Variants in PRKCE observed in about 807,000 individuals in gnomAD.
PRKCE encodes the protein protein kinase C epsilon type.
In PRKCE, 16 loss-of-function variants were observed where a neutral mutation model predicts 85.4. The observed-to-expected ratio is 0.19, with a 90% confidence interval of 0.13 to 0.28. The LOEUF (loss-of-function observed/expected upper bound fraction) is 0.28, where lower values mean the gene tolerates loss of function less well. PRKCE is among the 10% of genes least tolerant of loss of function. PRKCE has a pLI of 1.00. For missense variants in PRKCE, 573 were observed against 975.2 expected, an observed-to-expected ratio of 0.59 and a Z score of 5.49; for synonymous variants, 388 against 371.5, an observed-to-expected ratio of 1.04 and a Z score of -0.51.
chr2:45,834,306 G>A (rs1690671728), intron 1 of PRKCE, among the ~76,000 whole-genome samples: 1 of 152,238 alleles, frequency 6.6e-6, no homozygotes, highest in Admixed American at 6.5e-5. Flanking sequence ...GGTGTGTCTG[G>A]CAACTGAAGC....
chr2:46,010,514 C>A lies in PRKCE; in HGVS notation c.1434C>A (p.Thr478=), dbSNP rs369950079. Residue 478 remains threonine, a synonymous_variant, in exon 10 of 15, where the codon ACC becomes ACA. Coordinates refer to ENST00000306156, the MANE Select transcript of PRKCE (RefSeq NM_005400.3). ...YLTQLYCCFQ[T]KDRLFFVMEY... is the part of the protein sequence containing the mutation. ...CCCAACTCTACTGCTGCTTCCAGAC[C>A]AAGGTATGTTAGGAAGAAGCTGGCT... The A allele has an allele frequency of 2.8e-4, 452 of 1,599,412 alleles. 1 individual carries two copies. The African/African-American group carries it at 5.6e-3, about 20-fold the overall frequency.
chr2:46,086,436 A>C, intron 11 of PRKCE, 74 bp downstream of exon 11: 1 of 1,514,778 alleles, frequency 6.6e-7, no homozygotes, highest in Non-Finnish European at 8.9e-7. Context: ...AACTGACTTC[A>C]GCTCCTGCCC....
At chr2:46,027,887 T>C (rs1707232803) in intron 10 of PRKCE, among the ~76,000 whole-genome samples, 1 of 151,980 alleles carries the variant, frequency 6.6e-6, no homozygotes, top group Non-Finnish European at 1.5e-5. Context: ...ACAGAACTGC[T>C]GGCCCACCTT....
At chr2:45,933,575 G>A (rs1455185036) in intron 2 of PRKCE, among the ~76,000 whole-genome samples, 2 of 140,704 alleles carry the variant, frequency 1.4e-5, no homozygotes, top group Non-Finnish European at 3.0e-5. Context: ...CCGGGTTCAC[G>A]CCATTCTCCT....
intron 13 of PRKCE, among the ~76,000 whole-genome samples, chr2:46,153,979 G>C (rs1470592423): frequency 6.6e-6 from 1 of 151,914 alleles, no homozygotes; most frequent in Non-Finnish European, 1.5e-5. Context: ...TAGAGGCAGG[G>C]TTTCACCGTG....
intron 10 of PRKCE, among the ~76,000 whole-genome samples, chr2:46,024,555 G>A (rs747218550): frequency 2.0e-5 from 3 of 152,070 alleles, no homozygotes; most frequent in African/African-American, 4.8e-5. Flanking sequence ...ACTTGTGTGC[G>A]GGTTGCTAGG....
chr2:45,925,515 C>T (rs1279288397), intron 2 of PRKCE, among the ~76,000 whole-genome samples: 1 of 152,074 alleles, frequency 6.6e-6, no homozygotes, highest in Non-Finnish European at 1.5e-5. Context: ...AGGGTGGTCT[C>T]GAACTCCTGA....
At chr2:45,875,142 C>T (rs1377853793) in intron 2 of PRKCE, among the ~76,000 whole-genome samples, 1 of 151,992 alleles carries the variant, frequency 6.6e-6, no homozygotes, top group African/African-American at 2.4e-5. Context: ...CATGAGTGAC[C>T]CCTTTTAGGC....
intron 1 of PRKCE, among the ~76,000 whole-genome samples, chr2:45,655,901 G>A (rs1031968602): frequency 6.7e-5 from 10 of 149,630 alleles, no homozygotes; most frequent in South Asian, 6.3e-4. Context: ...ATCCAGGAGG[G>A]TTTTTGGAAG....
intron 1 of PRKCE, among the ~76,000 whole-genome samples, chr2:45,726,561 A>G (rs971658209): frequency 1.3e-5 from 2 of 152,240 alleles, no homozygotes; most frequent in African/African-American, 4.8e-5. Context: ...ACATAATTAC[A>G]TCGTACACAC....
At chr2:45,809,009 C>A (rs1487067018) in intron 1 of PRKCE, among the ~76,000 whole-genome samples, 2 of 152,108 alleles carry the variant, frequency 1.3e-5, no homozygotes, top group Admixed American at 6.5e-5. Context: ...CCTGAGAGTC[C>A]TCGTCTACCC....
intron 10 of PRKCE, among the ~76,000 whole-genome samples, chr2:46,052,234 G>GTAGAAAATAC (rs1343776439): frequency 6.6e-6 from 1 of 152,184 alleles, no homozygotes; most frequent in African/African-American, 2.4e-5. Flanking sequence ...CATCTGATAT[G>GTAGAAAATAC]TAGAAAATAC....
At chr2:46,137,239 T>A (rs913476844) in intron 11 of PRKCE, among the ~76,000 whole-genome samples, 13 of 152,200 alleles carry the variant, frequency 8.5e-5, no homozygotes, top group African/African-American at 2.7e-4. Flanking sequence ...AGAGTTGGGA[T>A]ATAGATTCAG....
intron 14 of PRKCE, among the ~76,000 whole-genome samples, chr2:46,170,177 C>A (rs957176700): frequency 6.6e-6 from 1 of 152,186 alleles, no homozygotes; most frequent in Non-Finnish European, 1.5e-5. Context: ...ATATAGAACA[C>A]CTCCATCCTC....
chr2:46,161,814 G>A (rs780213611), intron 14 of PRKCE, among the ~76,000 whole-genome samples: 3 of 152,116 alleles, frequency 2.0e-5, no homozygotes, highest in Non-Finnish European at 4.4e-5. Flanking sequence ...CACTGCCAAA[G>A]CCCTTCCCTT....
chr2:45,723,412 A>G (rs144098911), intron 1 of PRKCE, among the ~76,000 whole-genome samples: 1 of 152,250 alleles, frequency 6.6e-6, no homozygotes, highest in East Asian at 1.9e-4. Context: ...TTAATTTTCA[A>G]CACAGATGTG....
intron 14 of PRKCE, among the ~76,000 whole-genome samples, chr2:46,182,519 A>G (rs72791503): frequency 1.7e-4 from 26 of 152,040 alleles, no homozygotes; most frequent in Non-Finnish European, 3.4e-4. Context: ...CCCCTCAGCT[A>G]TAGGTTCTGT....
At chr2:45,879,163 G>C (rs62127249) in intron 2 of PRKCE, among the ~76,000 whole-genome samples, 1 of 152,216 alleles carries the variant, frequency 6.6e-6, no homozygotes, top group Non-Finnish European at 1.5e-5. Flanking sequence ...GCAGAGAGCA[G>C]AGAAGGGGGA....
In PRKCE at chr2:45,741,604, C is replaced by T. The variant is rs995009707; in HGVS notation, c.348+89156C>T. Among the ~76,000 whole-genome samples the T allele has an allele frequency of 9.9e-5, 15 of 152,226 alleles. 1 individual carries two copies. Among genetic ancestry groups the T allele is most frequent in the Admixed American group, 2.0e-4 (3 of 15,284 alleles). On this transcript the variant is annotated intron_variant, in intron 1 of 14. Transcript: ENST00000306156. ...CCAATCAGATTGGAGCCTTTGCCGG[C>T]TCAGCCTGGCAGATGGGCATGTGCA...
Sources: allele counts gnomAD v4.1 joint callset (sites outside exome capture counted in the v4.1 genomes callset), GRCh38; gene constraint gnomAD v4.1.1; transcripts MANE v1.5; gene names NCBI Gene and HGNC (gene_info 2026-07-23, HGNC 2026-07-21).